CNOT1: variants seen among roughly 807,000 people sequenced by gnomAD.
CNOT1 encodes the protein CCR4-associated factor 1.
Under a neutral mutation model 273.8 loss-of-function variants are expected in CNOT1, and 15 were observed. The ratio of observed to expected loss-of-function variants is 0.05; its 90% CI spans 0.04 to 0.08. CNOT1 has a LOEUF of 0.08. Among genes scored for constraint, CNOT1 ranks in the 10% least tolerant of loss-of-function variants. CNOT1 has a pLI of 1.00. For synonymous variants in CNOT1, 1,022 were observed against 1,005.5 expected, an observed-to-expected ratio of 1.02 and a Z score of -0.31; for missense variants, 1,644 against 2,912.2, an observed-to-expected ratio of 0.56 and a Z score of 10.02.
rs759540360 is a variant in CNOT1, at chr16:58,541,571, C to T, written c.4730G>A (p.Arg1577His). ...TGTAGGTAAGAAGCCAGGAACATTG[C>T]GTGCAAACTCTTCGTAAACAGCCAA... ...KQLAVYEEFA[R>H]NVPGFLPTND... The change falls in exon 34 of 49, where the codon CGC becomes CAC. Residue 1577 changes from arginine (R) to histidine (H), a missense_variant. Physicochemically the swap from Arg to His is conservative, Grantham distance 29. This residue lies in a region of CNOT1 where 170 missense variants were observed against 273.1 expected (regional missense o/e 0.62). Transcript: ENST00000317147. 14 of 1,613,978 alleles carry T rather than the reference C, an allele frequency of 8.7e-6. No individual in the cohort carries two copies. The highest frequency in any genetic ancestry group is 6.7e-5 in the East Asian group (3 of 44,872).
At chr16:58,588,171 T>C (rs146827833) in intron 3 of CNOT1, among the ~76,000 whole-genome samples, 50 of 152,062 alleles carry the variant, frequency 3.3e-4, no homozygotes, top group Non-Finnish European at 3.7e-4. Context: ...TGGTGCCAGA[T>C]GCCTATAATC....
At chr16:58,588,230 CAG>C (rs2041941018) in intron 3 of CNOT1, among the ~76,000 whole-genome samples, 1 of 151,926 alleles carries the variant, frequency 6.6e-6, no homozygotes, top group African/African-American at 2.4e-5. Context: ...ACCCAGGAGG[CAG>C]AGGTTACAGT....
At chr16:58,575,157 C>A (rs1449211115) in intron 14 of CNOT1, 28 bp from the exon 15 acceptor site, 1 of 1,600,392 alleles carries the variant, frequency 6.2e-7, no homozygotes, top group African/African-American at 1.3e-5. Context: ...TTAGATAATG[C>A]AAATGGAGCA....
chr16:58,535,607 A>G (rs2039903046), intron 39 of CNOT1, among the ~76,000 whole-genome samples: 1 of 152,236 alleles, frequency 6.6e-6, no homozygotes, highest in South Asian at 2.1e-4. Context: ...ATCAGACTAT[A>G]AAACATGCAG....
rs547538004 is a variant in CNOT1 at position 58,542,647 on chromosome 16, T to C, written c.4435-79A>G. 35 of 1,546,602 alleles carry C rather than the reference T, an allele frequency of 2.3e-5. No individual in the cohort carries two copies. In the African/African-American group the frequency reaches 4.1e-4, roughly 18 times the overall value. On this transcript the variant is annotated intron_variant, in intron 31 of 48. Transcript: ENST00000317147. ...AAGTTGATGTGGACAGACAGGATAG[T>C]AGAAAATGCAGTGCATTTGGCAAAT...
Position 58,628,395 on chromosome 16 carries a change from G to A in CNOT1, c.-175+1333C>T, listed in dbSNP as rs1451106539. ...TTTAAAAGGGTAGGAATACCAACCG[G>A]GACCACAGATCACTTAAGTATTAAA... On this transcript the variant is annotated intron_variant, in intron 1 of 48. Coordinates refer to ENST00000317147, the MANE Select transcript of CNOT1 (RefSeq NM_016284.5). Among the ~76,000 whole-genome samples, 3 of 151,928 alleles carry A rather than the reference G, an allele frequency of 2.0e-5. No homozygotes were observed. The East Asian group carries it at 5.8e-4, about 29-fold the overall frequency.
Position 58,542,586 on chromosome 16 carries a change from T to C in CNOT1, c.4435-18A>G. The C allele has an allele frequency of 3.8e-5, 2 of 53,176 alleles. No homozygotes were observed. Among genetic ancestry groups the C allele is most frequent in the Non-Finnish European group, 6.1e-5 (2 of 32,880 alleles). The allele number at this position is 53,176 out of a possible 1,614,324, so 3.3% of individuals were successfully genotyped here. The stretch of plus-strand genomic sequence containing the variant: ...GAAGCAGTCTATTAATGGAGGTGGG[T>C]GGGGGGGTGGGGGGAATAGAAGGAA... On this transcript the variant is annotated intron_variant, in intron 31 of 48. Transcript: ENST00000317147.
At chr16:58,596,736 A>T (rs1367806843) in intron 2 of CNOT1, among the ~76,000 whole-genome samples, 1 of 151,830 alleles carries the variant, frequency 6.6e-6, no homozygotes, top group East Asian at 1.9e-4. Context: ...AAATACAAAA[A>T]AATTAGCCGG....
chr16:58,523,891 G>A (rs1215418726), intron 46 of CNOT1: 2 of 169,188 alleles, frequency 1.2e-5, no homozygotes, highest in African/African-American at 4.8e-5. Flanking sequence ...TGTAACCTCT[G>A]AGAAATTCAA....
chr16:58,531,569 G>A (rs1004348215), intron 42 of CNOT1, among the ~76,000 whole-genome samples: 30 of 152,100 alleles, frequency 2.0e-4, no homozygotes, highest in East Asian at 1.9e-4. Flanking sequence ...AGATATTTAT[G>A]AGGGCACACA....
intron 2 of CNOT1, among the ~76,000 whole-genome samples, chr16:58,592,833 T>A (rs2042109472): frequency 6.6e-6 from 1 of 151,826 alleles, no homozygotes; most frequent in Non-Finnish European, 1.5e-5. Flanking sequence ...TGGTCAAGAG[T>A]ATAGAGCTGA....
At chr16:58,522,715 T>C (rs952807519) in intron 47 of CNOT1, among the ~76,000 whole-genome samples, 40 of 152,248 alleles carry the variant, frequency 2.6e-4, no homozygotes, top group African/African-American at 8.9e-4. Context: ...TTCCTTAACA[T>C]AGACTTCATA....
chr16:58,607,739 G>GAAA (rs61153626), intron 1 of CNOT1, among the ~76,000 whole-genome samples: 1 of 97,430 alleles, frequency 1.0e-5, no homozygotes, highest in East Asian at 3.4e-4. Context: ...AAAAAAAAAA[G>GAAA]AAAGAAAGAA....
At chr16:58,523,206 C>T (rs2039468523) in intron 47 of CNOT1, 164 bp downstream of exon 47, 11 of 570,462 alleles carry the variant, frequency 1.9e-5, no homozygotes, top group East Asian at 3.3e-5. Flanking sequence ...GATGGCGCCA[C>T]TGTACTGCAG....
In CNOT1 at chr16:58,534,213, A is replaced by G. The variant is rs16960223; in HGVS notation, c.5829T>C (p.Ile1943=). 3.3e-3 allele frequency: 5,283 copies of G among 1,614,188 alleles called. 146 individuals are homozygous for G. The African/African-American group carries it at 0.062, about 19-fold the overall frequency. Residue 1943 remains isoleucine, a synonymous_variant, in exon 40 of 49, where the codon ATT becomes ATC. Coordinates refer to ENST00000317147, the MANE Select transcript of CNOT1 (RefSeq NM_016284.5). The part of the protein sequence containing the change: ...YHNLDAFVRL[I]ALLVKHSGEA... ...CCCCTGAGTGTTTCACGAGCAGTGC[A>G]ATGAGTCGAACAAAGGCATCCAGGT... is the stretch of plus-strand genomic sequence containing the variant.
At chr16:58,602,252 G>T (rs2042493430) in intron 1 of CNOT1, among the ~76,000 whole-genome samples, 1 of 151,732 alleles carries the variant, frequency 6.6e-6, no homozygotes, top group Non-Finnish European at 1.5e-5. Flanking sequence ...ATTTTTTCTA[G>T]TAGAGATGGG....
At chr16:58,574,958 T>C (rs1279479161) in intron 15 of CNOT1, 49 bp downstream of exon 15, 22 of 1,603,138 alleles carry the variant, frequency 1.4e-5, no homozygotes, top group Non-Finnish European at 1.9e-5. Context: ...GATAGCCATT[T>C]TAGCCACCAA....
chr16:58,589,223 G>T (rs2041971611), intron 2 of CNOT1, among the ~76,000 whole-genome samples: 1 of 152,096 alleles, frequency 6.6e-6, no homozygotes, highest in Admixed American at 6.6e-5. Context: ...TTATAAAAAT[G>T]TTTCCTGGGC....
chr16:58,586,453 A>C, intron 7 of CNOT1, 92 bp downstream of exon 7: 1 of 270,122 alleles, frequency 3.7e-6, no homozygotes, highest in Non-Finnish European at 6.1e-6. Flanking sequence ...GGAGGAGGGG[A>C]GGGTGAGGGG....
Sources: allele counts gnomAD v4.1 joint callset (sites outside exome capture counted in the v4.1 genomes callset), GRCh38; gene constraint gnomAD v4.1.1; regional missense constraint gnomAD v4.1.1; transcripts MANE v1.5; gene names NCBI Gene and HGNC (gene_info 2026-07-23, HGNC 2026-07-21).